The following AGPAT5 variants were observed in gnomAD, a reference collection of about 807,000 sequenced individuals.
AGPAT5 encodes the protein 1-acylglycerol-3-phosphate O-acyltransferase 5.
AGPAT5 carries 46 observed loss-of-function variants against 45.6 expected under a neutral mutation model. That is an observed-to-expected ratio of 1.01 (90% CI 0.80 to 1.29). The LOEUF is 1.29. AGPAT5 is among the 50% of genes most tolerant of loss of function. The pLI is 0.00. For missense variants in AGPAT5, 673 were observed against 450.7 expected, an observed-to-expected ratio of 1.49 and a Z score of -4.47; for synonymous variants, 272 against 167.0, an observed-to-expected ratio of 1.63 and a Z score of -4.85.
intron 5 of AGPAT5, among the ~76,000 whole-genome samples, chr8:6,744,868 G>A (rs1217484861): frequency 6.6e-6 from 1 of 152,142 alleles, no homozygotes; most frequent in Non-Finnish European, 1.5e-5. Flanking sequence ...CTCAGCCCTT[G>A]GCAACCCTGT....
At chr8:6,720,257 CA>C (rs34687339) in intron 1 of AGPAT5, among the ~76,000 whole-genome samples, 110,745 of 151,320 alleles carry the variant, frequency 0.73, 41,554 homozygotes, top group African/African-American at 0.9. Flanking sequence ...ATCAACTTAT[CA>C]AAAAAAAAAC....
At chr8:6,749,579 G>A (rs1449374521) in intron 6 of AGPAT5, among the ~76,000 whole-genome samples, 1 of 152,112 alleles carries the variant, frequency 6.6e-6, no homozygotes, top group African/African-American at 2.4e-5. Context: ...GTTGTGCGTT[G>A]TATGTGCAAA....
chr8:6,711,941 A>C (rs1800168778), intron 1 of AGPAT5, among the ~76,000 whole-genome samples: 1 of 152,170 alleles, frequency 6.6e-6, no homozygotes, highest in South Asian at 2.1e-4. Flanking sequence ...CAAGATCCTT[A>C]ATTATAACTG....
chr8:6,758,999 C>T lies in AGPAT5; in HGVS notation c.*1611C>T, dbSNP rs1280106732. ...ATGCCAGAGAATAAACTCTTTCAAG[C>T]ATCATCTTTGAAGAGTCGTGTGGTG... On this transcript the variant is annotated 3_prime_UTR_variant, in exon 8 of 8. Coordinates refer to ENST00000285518, the MANE Select transcript of AGPAT5 (RefSeq NM_018361.5). 2 of 152,356 alleles carry T rather than the reference C, an allele frequency of 1.3e-5. No homozygotes were observed. Among genetic ancestry groups the T allele is most frequent in the Admixed American group, 6.5e-5 (1 of 15,280 alleles). The allele number at this position is 152,356 out of a possible 1,614,324, so 9.4% of individuals were successfully genotyped here.
rs530859671 is a variant in AGPAT5 at position 6,732,629 on chromosome 8, C to G, written c.474C>G (p.Ser158Arg). The change falls in exon 4 of 8, where the codon AGC becomes AGG. Residue 158 changes from serine to arginine, a missense_variant. Coordinates refer to ENST00000285518, the MANE Select transcript of AGPAT5 (RefSeq NM_018361.5). ...NEKEMRNKLQ[S>R]YVDAGTPMYL... The stretch of plus-strand genomic sequence containing the variant: ...AAGAGATGCGAAACAAGTTGCAGAG[C>G]TACGTGGACGCAGGAACTCCAGTAA... 1.2e-6 allele frequency: 2 copies of G among 1,610,510 alleles called. No individual in the cohort carries two copies. Among genetic ancestry groups the G allele is most frequent in the Non-Finnish European group, 1.7e-6 (2 of 1,179,050 alleles).
At position 6,715,604 on chromosome 8, in the gene AGPAT5, C is replaced by T. The variant is rs143696710; in HGVS notation, c.219+6717C>T. 9.1e-4 allele frequency among the ~76,000 whole-genome samples: 138 copies of T among 152,294 alleles called. 1 individual carries two copies. Among genetic ancestry groups the T allele is most frequent in the Admixed American group, 7.2e-3 (110 of 15,304 alleles). On this transcript the variant is annotated intron_variant, in intron 1 of 7. Transcript: ENST00000285518. ...ATGGTTCACATCTGTAGTAGCCTAG[C>T]CAGGAGTTTCAGGCACTTATTTTCT...
chr8:6,739,412 C>T (rs1310614993), intron 4 of AGPAT5, among the ~76,000 whole-genome samples: 1 of 152,066 alleles, frequency 6.6e-6, no homozygotes, highest in Non-Finnish European at 1.5e-5. Context: ...TCTTTGGATT[C>T]ATGAACGTAG....
chr8:6,754,908 TTTTG>T (rs1191722160), intron 6 of AGPAT5, 139 bp from the exon 7 acceptor site: 1 of 632,390 alleles, frequency 1.6e-6, no homozygotes, highest in South Asian at 2.9e-5. Flanking sequence ...TTTTTTTAAC[TTTTG>T]TTTATTTTTC....
At chr8:6,711,596 T>G (rs1315524734) in intron 1 of AGPAT5, among the ~76,000 whole-genome samples, 1 of 152,256 alleles carries the variant, frequency 6.6e-6, no homozygotes, top group Non-Finnish European at 1.5e-5. Context: ...GTACCTGTGT[T>G]ACTTTCCTGT....
chr8:6,749,265 G>A lies in AGPAT5; in HGVS notation c.745+1437G>A, dbSNP rs929975. ...CTGTCTACTGCAGAAAGTTAGGGAG[G>A]GAGGCTGGAGGAGTGAGGCCCAGGG... On this transcript the variant is annotated intron_variant, in intron 6 of 7. Transcript: ENST00000285518. 7.8e-3 allele frequency among the ~76,000 whole-genome samples: 1,180 copies of A among 152,252 alleles called. 12 individuals carry two copies. Among genetic ancestry groups the A allele is most frequent in the African/African-American group, 0.026 (1,091 of 41,544 alleles).
At chr8:6,709,159 C>G (rs1250750869) in intron 1 of AGPAT5, 2 of 535,780 alleles carry the variant, frequency 3.7e-6, no homozygotes, top group African/African-American at 3.9e-5. Context: ...TGCTGCTTAG[C>G]AAAGTGGGTG....
At chr8:6,724,328 A>T (rs974566748) in intron 1 of AGPAT5, among the ~76,000 whole-genome samples, 1 of 152,164 alleles carries the variant, frequency 6.6e-6, no homozygotes, top group Non-Finnish European at 1.5e-5. Flanking sequence ...TCTTATTCTC[A>T]TGAACATTTT....
intron 1 of AGPAT5, chr8:6,709,161 A>G: frequency 1.9e-6 from 1 of 529,004 alleles, no homozygotes; most frequent in Non-Finnish European, 3.4e-6. Flanking sequence ...CTGCTTAGCA[A>G]AGTGGGTGCA....
chr8:6,757,276 T>G lies in AGPAT5; in HGVS notation c.983T>G (p.Leu328Ter). ...IKKTLPSMLI[L>*]SGLTAGMLMT... The stretch of plus-strand genomic sequence containing the variant: ...AAGACTTTACCATCAATGTTGATCT[T>G]AAGTGGTTTGACTGCAGGCATGCTT... The change falls in exon 8 of 8, where the codon TTA becomes TGA. Residue 328 changes from leucine to a stop codon, truncating the protein, a stop_gained. Transcript: ENST00000285518. LOFTEE classifies it high-confidence loss of function. The G allele has an allele frequency of 6.2e-7, 1 of 1,614,188 alleles. No individual in the cohort carries two copies. Among genetic ancestry groups the G allele is most frequent in the Non-Finnish European group, 8.5e-7 (1 of 1,180,018 alleles).
chr8:6,757,178 T>G lies in AGPAT5; in HGVS notation c.885T>G (p.Phe295Leu). 6.2e-7 allele frequency: 1 copy of G among 1,613,580 alleles called. No individual in the cohort carries two copies. Among genetic ancestry groups the G allele is most frequent in the Non-Finnish European group, 8.5e-7 (1 of 1,179,902 alleles). The part of the protein sequence containing the change: ...FEIKDKMLIE[F>L]YESPDPERRK... ...CTGGCCATAGGATGCTTATAGAATT[T>G]TATGAGTCACCAGATCCAGAAAGAA... The change falls in exon 8 of 8, where the codon TTT becomes TTG. Residue 295 changes from phenylalanine to leucine, a missense_variant. Phe to Leu is a conservative substitution (Grantham distance 22). Coordinates refer to ENST00000285518, the MANE Select transcript of AGPAT5 (RefSeq NM_018361.5).
chr8:6,727,123 A>C (rs1185025836), intron 2 of AGPAT5, among the ~76,000 whole-genome samples: 1 of 152,204 alleles, frequency 6.6e-6, no homozygotes, highest in East Asian at 1.9e-4. Context: ...TAGCGGAAAG[A>C]ATATTTCAAA....
chr8:6,732,887 A>G (rs1301371503), intron 4 of AGPAT5, among the ~76,000 whole-genome samples: 1 of 152,204 alleles, frequency 6.6e-6, no homozygotes, highest in Non-Finnish European at 1.5e-5. Context: ...AAGAGGAATA[A>G]AAAGAGCATT....
At chr8:6,742,018 A>C (rs1409359639) in intron 5 of AGPAT5, among the ~76,000 whole-genome samples, 1 of 152,212 alleles carries the variant, frequency 6.6e-6, no homozygotes. Context: ...AAATCTATCT[A>C]AGTACATGAT....
At chr8:6,753,847 A>T (rs931020380) in intron 6 of AGPAT5, among the ~76,000 whole-genome samples, 3 of 151,628 alleles carry the variant, frequency 2.0e-5, no homozygotes, top group African/African-American at 7.2e-5. Context: ...GTAAGAATAC[A>T]GGGTATTTTT....
Sources: allele counts gnomAD v4.1 joint callset (sites outside exome capture counted in the v4.1 genomes callset), GRCh38; gene constraint gnomAD v4.1.1; transcripts MANE v1.5; gene names NCBI Gene and HGNC (gene_info 2026-07-23, HGNC 2026-07-21).